Variants in PRKAB2 observed in about 807,000 individuals in gnomAD.
PRKAB2 encodes the protein 5'-AMP-activated protein kinase subunit beta-2.
Under a neutral mutation model 29.8 loss-of-function variants are expected in PRKAB2, and 18 were observed. The ratio of observed to expected loss-of-function variants is 0.60; its 90% CI spans 0.42 to 0.89. The LOEUF is 0.89. Ranked by LOEUF, PRKAB2 falls within the 40% of genes least tolerant of loss-of-function variation. PRKAB2 has a pLI of 0.00. For synonymous variants in PRKAB2, 136 were observed against 125.9 expected, an observed-to-expected ratio of 1.08 and a Z score of -0.54; for missense variants, 270 against 344.3, an observed-to-expected ratio of 0.78 and a Z score of 1.71.
rs1313363162 is a variant in PRKAB2, at chr1:147,157,258, G to C, written c.*2307C>G. On this transcript the variant is annotated 3_prime_UTR_variant, in exon 8 of 8. Coordinates refer to ENST00000254101, the MANE Select transcript of PRKAB2 (RefSeq NM_005399.5). ...CTTCTCAGAACCATGGGATGTATCA[G>C]CAGTATAGAAAAGGGACAGTGCTGA... 1 of 152,074 alleles carries C rather than the reference G, an allele frequency of 6.6e-6. No individual in the cohort carries two copies. The highest frequency in any genetic ancestry group is 6.6e-5 in the Admixed American group (1 of 15,246). The allele number at this position is 152,074 out of a possible 1,614,324, so 9.4% of individuals were successfully genotyped here.
chr1:147,171,901 G>A, intron 2 of PRKAB2, 88 bp downstream of exon 2: 1 of 1,505,084 alleles, frequency 6.6e-7, no homozygotes, highest in Non-Finnish European at 9.0e-7. Flanking sequence ...CCGGTTCGGC[G>A]CGGTAGAAAA....
chr1:147,169,181 G>GT (rs201940212), intron 2 of PRKAB2, among the ~76,000 whole-genome samples: 3,526 of 151,304 alleles, frequency 0.023, 60 homozygotes, highest in Admixed American at 0.042. Context: ...AATAATGTGG[G>GT]TTTTTTTTTA....
At chr1:147,167,957 C>G in intron 2 of PRKAB2, 24 bp from the exon 3 acceptor site, 1 of 1,595,596 alleles carries the variant, frequency 6.3e-7, no homozygotes, top group Non-Finnish European at 8.5e-7. Flanking sequence ...TAGGTCATCC[C>G]TAGAATAAAC....
At chr1:147,170,579 G>T (rs115159560) in intron 2 of PRKAB2, among the ~76,000 whole-genome samples, 5 of 149,592 alleles carry the variant, frequency 3.3e-5, no homozygotes, top group Non-Finnish European at 7.4e-5. Flanking sequence ...ATTATGGTTG[G>T]TTTTTTTGTT....
At chr1:147,162,720 G>A in intron 5 of PRKAB2, 147 bp from the exon 6 acceptor site, 1 of 801,700 alleles carries the variant, frequency 1.2e-6, no homozygotes. Flanking sequence ...CAGCTGTAAG[G>A]TAACCAGAGG....
intron 5 of PRKAB2, 60 bp downstream of exon 5, chr1:147,166,438 A>T (rs879955585): frequency 5.7e-6 from 9 of 1,567,138 alleles, no homozygotes; most frequent in Non-Finnish European, 7.8e-6. Flanking sequence ...CACATAAACA[A>T]CTTTTAGGAA....
At chr1:147,171,482 C>G (rs1337502050) in intron 2 of PRKAB2, among the ~76,000 whole-genome samples, 1 of 152,102 alleles carries the variant, frequency 6.6e-6, no homozygotes, top group Non-Finnish European at 1.5e-5. Context: ...TGCTTACAGC[C>G]GTGCCAAAAG....
chr1:147,166,800 A>G (rs1654273444), intron 4 of PRKAB2, 46 bp downstream of exon 4: 1 of 1,586,978 alleles, frequency 6.3e-7, no homozygotes, highest in Admixed American at 1.7e-5. Context: ...GACAGCTAAA[A>G]TGAGACTGCT....
chr1:147,156,678 C>T lies in PRKAB2; in HGVS notation c.*2887G>A, dbSNP rs1473160171. 2 of 152,122 alleles carry T rather than the reference C, an allele frequency of 1.3e-5. No individual in the cohort carries two copies. Among genetic ancestry groups the T allele is most frequent in the Non-Finnish European group, 2.9e-5 (2 of 68,022 alleles). The allele number at this position is 152,122 out of a possible 1,614,324, so 9.4% of individuals were successfully genotyped here. A position where few individuals can be genotyped will look rare whatever the true frequency, so the allele number is the denominator to read the frequency against. ...AATCATGGTGTGGAATTTCTCCATA[C>T]CAGCAGCATGGCTAACGTATGTGTT... is the stretch of plus-strand genomic sequence containing the variant. On this transcript the variant is annotated 3_prime_UTR_variant, in exon 8 of 8. Transcript: ENST00000254101.
In PRKAB2 at chr1:147,172,154, T is replaced by A; in HGVS notation, c.-10A>T. On this transcript the variant is annotated 5_prime_UTR_variant, in exon 2 of 8. Transcript: ENST00000254101. ...TGGTGGTGTTTCCCATGGCTGCAGC[T>A]CGTCGGGGACCACCTACCGCGGGGA... is the stretch of plus-strand genomic sequence containing the variant. 2 of 1,543,004 alleles carry A rather than the reference T, an allele frequency of 1.3e-6. No individual in the cohort carries two copies. Among genetic ancestry groups the A allele is most frequent in the Non-Finnish European group, 8.7e-7 (1 of 1,144,046 alleles).
chr1:147,167,637 GC>G, intron 3 of PRKAB2, 129 bp downstream of exon 3: 1 of 1,065,036 alleles, frequency 9.4e-7, no homozygotes, highest in Non-Finnish European at 1.3e-6. Context: ...ATACTAAGTG[GC>G]CGCAGAAAAG....
intron 7 of PRKAB2, chr1:147,160,778 T>A (rs781860922): frequency 3.3e-5 from 5 of 152,182 alleles, no homozygotes; most frequent in Non-Finnish European, 7.3e-5. Context: ...ACCTCAGCAG[T>A]CCTGTCTCTG....
intron 2 of PRKAB2, among the ~76,000 whole-genome samples, chr1:147,170,456 C>A (rs1030509818): frequency 6.6e-6 from 1 of 152,156 alleles, no homozygotes; most frequent in East Asian, 1.9e-4. Flanking sequence ...GATCACCTTT[C>A]GAAAGCTTTG....
chr1:147,166,804 G>A (rs781936930), intron 4 of PRKAB2, 42 bp downstream of exon 4: 1 of 1,587,324 alleles, frequency 6.3e-7, no homozygotes, highest in South Asian at 1.1e-5. Flanking sequence ...GCTAAAATGA[G>A]ACTGCTAAGT....
intron 2 of PRKAB2, among the ~76,000 whole-genome samples, chr1:147,169,779 A>G (rs1654426505): frequency 6.6e-6 from 1 of 152,200 alleles, no homozygotes; most frequent in African/African-American, 2.4e-5. Flanking sequence ...GTTTCCCCCT[A>G]CTTTGAAAGT....
At chr1:147,172,268 C>T in intron 1 of PRKAB2, 101 bp from the exon 2 acceptor site, 4 of 1,323,758 alleles carry the variant, frequency 3.0e-6, no homozygotes, top group Non-Finnish European at 4.0e-6. Context: ...AAGGGATTCC[C>T]CGCCCCAGGG....
At chr1:147,164,807 C>A (rs1654155880) in intron 5 of PRKAB2, among the ~76,000 whole-genome samples, 1 of 152,142 alleles carries the variant, frequency 6.6e-6, no homozygotes, top group Non-Finnish European at 1.5e-5. Context: ...AGGGAAATAT[C>A]AAAAGTATGC....
chr1:147,171,460 G>T (rs1654575820), intron 2 of PRKAB2, among the ~76,000 whole-genome samples: 1 of 152,168 alleles, frequency 6.6e-6, no homozygotes. Flanking sequence ...TATTCAATAA[G>T]CAAGTAGTTG....
In PRKAB2 at chr1:147,167,862, G is replaced by A. The variant is rs782258218; in HGVS notation, c.228C>T (p.Ala76=). 9 of 1,613,988 alleles carry A rather than the reference G, an allele frequency of 5.6e-6. No homozygotes were observed. In the Admixed American group the frequency reaches 1.5e-4, roughly 27 times the overall value. Residue 76 remains alanine, a synonymous_variant, in exon 3 of 8, where the codon GCC becomes GCT. Coordinates refer to ENST00000254101, the MANE Select transcript of PRKAB2 (RefSeq NM_005399.5). The part of the protein sequence containing the change: ...LEDSVKPTQQ[A]RPTVIRWSEG... ...CAGACCAGCGGATAACAGTGGGCCG[G>A]GCCTGCTGTGTGGGCTTTACGGAGT...
Sources: gnomAD v4.1 joint callset for allele counts (sites outside exome capture counted in the v4.1 genomes callset) on GRCh38, gnomAD v4.1.1 for gene constraint, MANE v1.5 for transcripts, NCBI Gene and HGNC (gene_info 2026-07-23, HGNC 2026-07-21) for gene names.